The following ROBO2 variants were observed in gnomAD, a reference collection of about 807,000 sequenced individuals.
ROBO2 encodes the protein roundabout guidance receptor 2.
Under a neutral mutation model 160.8 loss-of-function variants are expected in ROBO2, and 53 were observed. That is an observed-to-expected ratio of 0.33 (90% CI 0.26 to 0.41). ROBO2 has a LOEUF of 0.41. Ranked by LOEUF, ROBO2 falls within the 10% of genes least tolerant of loss-of-function variation. The pLI, the probability that ROBO2 is intolerant of heterozygous loss-of-function variation, is 1.00. For missense variants in ROBO2, 1,577 were observed against 1,722.4 expected, an observed-to-expected ratio of 0.92 and a Z score of 1.49; for synonymous variants, 664 against 611.7, an observed-to-expected ratio of 1.09 and a Z score of -1.26.
intron 2 of ROBO2, among the ~76,000 whole-genome samples, chr3:76,435,870 G>C (rs1036185572): frequency 6.6e-6 from 1 of 152,170 alleles, no homozygotes; most frequent in Admixed American, 6.5e-5. Context: ...AGATGGTTCT[G>C]CTATAACCAA....
At chr3:76,939,211 G>T (rs1292369918) in intron 2 of ROBO2, among the ~76,000 whole-genome samples, 1 of 152,094 alleles carries the variant, frequency 6.6e-6, no homozygotes, top group Non-Finnish European at 1.5e-5. Flanking sequence ...CATTAATAAG[G>T]TTTCAAAATA....
intron 2 of ROBO2, among the ~76,000 whole-genome samples, chr3:76,858,140 C>G (rs1326294818): frequency 6.6e-6 from 1 of 151,674 alleles, no homozygotes; most frequent in Non-Finnish European, 1.5e-5. Context: ...CGCTAGTACA[C>G]TCCCAGCATA....
At chr3:76,667,029 A>G (rs1248895921) in intron 2 of ROBO2, among the ~76,000 whole-genome samples, 1 of 152,106 alleles carries the variant, frequency 6.6e-6, no homozygotes, top group African/African-American at 2.4e-5. Flanking sequence ...ATTCATTTGC[A>G]TATGTTGGAC....
intron 2 of ROBO2, among the ~76,000 whole-genome samples, chr3:76,013,051 A>G (rs1348933831): frequency 1.4e-5 from 2 of 145,776 alleles, no homozygotes; most frequent in Non-Finnish European, 3.0e-5. Context: ...ACGGTGGCTT[A>G]TGCGTGTAAT....
Position 75,996,095 on chromosome 3 carries a change from T to C in ROBO2, c.109+58493T>C, listed in dbSNP as rs187420054. Among the ~76,000 whole-genome samples, 180 of 152,092 alleles carry C rather than the reference T, an allele frequency of 1.2e-3. 2 individuals are homozygous for C. In the South Asian group the frequency reaches 0.013, roughly 11 times the overall value. On this transcript the variant is annotated intron_variant, in intron 2 of 26. Transcript: ENST00000487694. The stretch of plus-strand genomic sequence containing the variant: ...CTTCTGGGTTAATTCTGGAATGAGG[T>C]AAGACTTCAGGGGACTGTTGAGAAG...
At chr3:77,000,623 C>G (rs2061289202) in intron 2 of ROBO2, among the ~76,000 whole-genome samples, 1 of 152,106 alleles carries the variant, frequency 6.6e-6, no homozygotes, top group Non-Finnish European at 1.5e-5. Context: ...TTAAAAATCC[C>G]TGAAGACAGA....
intron 2 of ROBO2, among the ~76,000 whole-genome samples, chr3:76,808,633 T>G (rs1378739960): frequency 6.6e-6 from 1 of 152,118 alleles, no homozygotes; most frequent in Non-Finnish European, 1.5e-5. Context: ...ATGGGTTGAA[T>G]CATTCTAAGA....
chr3:77,322,694 A>G (rs1177535410), intron 2 of ROBO2, among the ~76,000 whole-genome samples: 1 of 147,462 alleles, frequency 6.8e-6, no homozygotes, highest in Non-Finnish European at 1.5e-5. Flanking sequence ...TTTAGTTTCT[A>G]AGATCTTTAT....
At chr3:77,150,385 C>G (rs756622915) in intron 2 of ROBO2, among the ~76,000 whole-genome samples, 1 of 152,082 alleles carries the variant, frequency 6.6e-6, no homozygotes, top group Non-Finnish European at 1.5e-5. Context: ...TTCTTTATAG[C>G]AAAACGTAAA....
At chr3:77,186,212 A>C (rs149073445) in intron 2 of ROBO2, among the ~76,000 whole-genome samples, 3 of 151,912 alleles carry the variant, frequency 2.0e-5, no homozygotes. Flanking sequence ...TGTCATAGGA[A>C]TAGGAGGTTA....
intron 2 of ROBO2, among the ~76,000 whole-genome samples, chr3:76,804,730 C>T (rs1423392374): frequency 6.6e-6 from 1 of 152,136 alleles, no homozygotes; most frequent in Non-Finnish European, 1.5e-5. Flanking sequence ...TATGACTGTT[C>T]TGACAAATAA....
Position 76,353,505 on chromosome 3 carries a change from A to C in ROBO2, c.109+415903A>C, listed in dbSNP as rs890708778. Among the ~76,000 whole-genome samples, 4 of 152,002 alleles carry C rather than the reference A, an allele frequency of 2.6e-5. No homozygotes were observed. In the Admixed American group the frequency reaches 2.6e-4, roughly 10 times the overall value. ...ATTTAATGAACTACATTGCACATTC[A>C]GCCACATCTGCTTTGTTGCCTAACA... On this transcript the variant is annotated intron_variant, in intron 2 of 26. Coordinates refer to the ROBO2 transcript ENST00000487694.
At chr3:76,563,418 T>C (rs1296592844) in intron 2 of ROBO2, among the ~76,000 whole-genome samples, 1 of 152,190 alleles carries the variant, frequency 6.6e-6, no homozygotes, top group Non-Finnish European at 1.5e-5. Context: ...GTTGAGAATC[T>C]TGTAAATGTT....
exon 24 of ROBO2, chr3:77,634,907 C>T: frequency 6.2e-7 from 1 of 1,614,034 alleles, no homozygotes; most frequent in Non-Finnish European, 8.5e-7. Flanking sequence ...CTCGACCTAC[C>T]AGCCCATTTT....
intron 2 of ROBO2, among the ~76,000 whole-genome samples, chr3:76,486,252 G>A (rs2079489771): frequency 6.6e-6 from 1 of 152,136 alleles, no homozygotes; most frequent in African/African-American, 2.4e-5. Context: ...AACTGCTTAG[G>A]TCTTCTTTCT....
chr3:76,204,717 T>C (rs978477608), intron 2 of ROBO2, among the ~76,000 whole-genome samples: 1 of 152,170 alleles, frequency 6.6e-6, no homozygotes, highest in Non-Finnish European at 1.5e-5. Context: ...AAATTGAGCA[T>C]TTTGTCTCCT....
Position 76,360,447 on chromosome 3 carries a change from A to G in ROBO2, c.109+422845A>G, listed in dbSNP as rs1467847659. On this transcript the variant is annotated intron_variant, in intron 2 of 26. Transcript: ENST00000487694. ...ATGTAAAGTATTTGACTTTGGATAC[A>G]AAAAAGAAAGGCTTACTAAGCATTA... Among the ~76,000 whole-genome samples the G allele has an allele frequency of 5.9e-5, 9 of 152,186 alleles. No individual in the cohort carries two copies. The East Asian group carries it at 1.7e-3, about 30-fold the overall frequency.
intron 2 of ROBO2, among the ~76,000 whole-genome samples, chr3:76,545,505 T>C (rs2083046967): frequency 6.6e-6 from 1 of 151,980 alleles, no homozygotes; most frequent in Admixed American, 6.6e-5. Flanking sequence ...TGATTCTCCT[T>C]GAGCCTGAAG....
chr3:77,029,664 T>C (rs2063190352), intron 2 of ROBO2, among the ~76,000 whole-genome samples: 1 of 152,216 alleles, frequency 6.6e-6, no homozygotes, highest in Admixed American at 6.5e-5. Context: ...ATATTTCTTC[T>C]AAGATGTTCA....
Sources: gnomAD v4.1 joint callset for allele counts (sites outside exome capture counted in the v4.1 genomes callset) on GRCh38, gnomAD v4.1.1 for gene constraint, MANE v1.5 for transcripts, NCBI Gene and HGNC (gene_info 2026-07-23, HGNC 2026-07-21) for gene names.